Variants in TEKT5 observed in about 807,000 individuals in gnomAD.
The protein encoded by TEKT5 is tektin-5.
Under a neutral mutation model 48.7 loss-of-function variants are expected in TEKT5, and 52 were observed. The observed-to-expected ratio is 1.07, with a 90% CI of 0.86 to 1.35. The LOEUF is 1.35. TEKT5 is among the 40% of genes most tolerant of loss of function. The pLI, the probability that TEKT5 is intolerant of heterozygous loss-of-function variation, is 0.00. For synonymous variants in TEKT5, 318 were observed against 267.6 expected (o/e 1.19, Z -1.84); for missense variants, 831 against 641.6 (o/e 1.30, Z -3.19).
At chr16:10,687,191 T>C (rs1048995495) in intron 3 of TEKT5, among the ~76,000 whole-genome samples, 3 of 152,188 alleles carry the variant, frequency 2.0e-5, no homozygotes, top group African/African-American at 7.2e-5. Flanking sequence ...ACTGTGTTCT[T>C]GAAAATCACT....
intron 5 of TEKT5, among the ~76,000 whole-genome samples, chr16:10,644,926 G>A (rs1389096648): frequency 6.6e-6 from 1 of 152,194 alleles, no homozygotes; most frequent in Non-Finnish European, 1.5e-5. Context: ...GCGATTAGGT[G>A]ATGAGGTGGA....
At chr16:10,678,821 C>A (rs966373323) in intron 4 of TEKT5, among the ~76,000 whole-genome samples, 1 of 152,188 alleles carries the variant, frequency 6.6e-6, no homozygotes, top group African/African-American at 2.4e-5. Context: ...CCCGCTTAAT[C>A]ACATTCTCCC....
chr16:10,653,425 G>A (rs965109254), intron 5 of TEKT5, among the ~76,000 whole-genome samples: 6 of 152,222 alleles, frequency 3.9e-5, no homozygotes, highest in African/African-American at 1.4e-4. Flanking sequence ...CCTGGGGACA[G>A]GTTACTTCAC....
intron 5 of TEKT5, among the ~76,000 whole-genome samples, chr16:10,671,344 A>C (rs1184798790): frequency 1.3e-5 from 2 of 152,254 alleles, no homozygotes; most frequent in African/African-American, 4.8e-5. Flanking sequence ...GAGATGCCTC[A>C]TTAAAAGAAG....
intron 5 of TEKT5, among the ~76,000 whole-genome samples, chr16:10,636,570 G>A (rs1291804093): frequency 1.3e-5 from 2 of 151,872 alleles, no homozygotes; most frequent in Non-Finnish European, 2.9e-5. Context: ...AAGAGGGAGA[G>A]GAAGGGAAGG....
chr16:10,668,683 A>G (rs1023864484), intron 5 of TEKT5, among the ~76,000 whole-genome samples: 1 of 152,150 alleles, frequency 6.6e-6, no homozygotes, highest in African/African-American at 2.4e-5. Flanking sequence ...GCTGCTTGGG[A>G]GTCAAAACCC....
chr16:10,674,219 T>C (rs1278626750), intron 5 of TEKT5, among the ~76,000 whole-genome samples: 1 of 152,020 alleles, frequency 6.6e-6, no homozygotes, highest in African/African-American at 2.4e-5. Flanking sequence ...TCCCTGTTGA[T>C]CTGTTCTCGG....
chr16:10,676,616 A>T (rs1485837191), intron 4 of TEKT5, among the ~76,000 whole-genome samples: 3 of 152,188 alleles, frequency 2.0e-5, no homozygotes, highest in Non-Finnish European at 4.4e-5. Flanking sequence ...CACAACGTGG[A>T]CAAGCCAAGA....
At chr16:10,662,287 G>A (rs1010144129) in intron 5 of TEKT5, among the ~76,000 whole-genome samples, 1 of 152,206 alleles carries the variant, frequency 6.6e-6, no homozygotes, top group African/African-American at 2.4e-5. Context: ...CACCTTGTTT[G>A]AGAACTGCTG....
At chr16:10,686,389 G>T (rs1898862346) in intron 3 of TEKT5, among the ~76,000 whole-genome samples, 1 of 151,930 alleles carries the variant, frequency 6.6e-6, no homozygotes, top group Admixed American at 6.6e-5. Context: ...CCCAGGAGGA[G>T]GAGGTTGCAG....
intron 5 of TEKT5, among the ~76,000 whole-genome samples, chr16:10,673,364 G>A (rs533122738): frequency 6.6e-6 from 1 of 152,304 alleles, no homozygotes; most frequent in South Asian, 2.1e-4. Flanking sequence ...GGCTGCTTTT[G>A]CAGTATAGAG....
At chr16:10,682,971 G>C (rs959034328) in intron 3 of TEKT5, among the ~76,000 whole-genome samples, 3 of 152,086 alleles carry the variant, frequency 2.0e-5, no homozygotes, top group Non-Finnish European at 4.4e-5. Flanking sequence ...CAAATAAGAC[G>C]ACCCAGTCAC....
At position 10,693,675 on chromosome 16, in the gene TEKT5, T is replaced by C. The variant is rs151027501; in HGVS notation, c.564+635A>G. Among the ~76,000 whole-genome samples the C allele has an allele frequency of 1.1e-3, 161 of 152,314 alleles. 2 individuals carry two copies. The highest frequency in any genetic ancestry group is 0.01 in the Middle Eastern group (3 of 294). ...TATAGAGCATGTTAAATGATAAGTA[T>C]TACGGGGAAAAATAAGGCAGTTATG... is the stretch of plus-strand genomic sequence containing the variant. On this transcript the variant is annotated intron_variant, in intron 1 of 6. Transcript: ENST00000283025.
At chr16:10,630,889 T>C (rs1184937896) in intron 6 of TEKT5, among the ~76,000 whole-genome samples, 1 of 151,656 alleles carries the variant, frequency 6.6e-6, no homozygotes, top group African/African-American at 2.4e-5. Context: ...CCAGGTGTCA[T>C]GGTGCACACC....
Position 10,689,244 on chromosome 16 carries a change from A to G in TEKT5, c.719+9T>C. The G allele has an allele frequency of 1.3e-6, 2 of 1,580,396 alleles. No individual in the cohort carries two copies. On this transcript the variant is annotated intron_variant, in intron 3 of 6. Coordinates refer to ENST00000283025, the MANE Select transcript of TEKT5 (RefSeq NM_144674.2). ...AGGAGAGGGAATTAAAAAAAAAAAA[A>G]GCCCTTACCGCATCTGGATATCAAT...
rs529561748 is a variant in TEKT5, at chr16:10,692,250, T to C, written c.564+2060A>G. Among the ~76,000 whole-genome samples the C allele has an allele frequency of 3.3e-5, 5 of 152,266 alleles. No individual in the cohort carries two copies. The South Asian group carries it at 1.0e-3, about 32-fold the overall frequency. On this transcript the variant is annotated intron_variant, in intron 1 of 6. Coordinates refer to ENST00000283025, the MANE Select transcript of TEKT5 (RefSeq NM_144674.2). ...GAGAGCAGTAGGTCTGGGATACTGCTGTAGGGCTCTGAAAAGCTGCCCTGC... is the reference window on the plus strand; with the variant it reads ...GAGAGCAGTAGGTCTGGGATACTGCCGTAGGGCTCTGAAAAGCTGCCCTGC...
chr16:10,684,269 C>T (rs1298732663), intron 3 of TEKT5, among the ~76,000 whole-genome samples: 2 of 152,050 alleles, frequency 1.3e-5, no homozygotes, highest in African/African-American at 2.4e-5. Context: ...ATCTGTCTCT[C>T]TGCCTTTCTC....
At chr16:10,638,120 T>C (rs1395221201) in intron 5 of TEKT5, among the ~76,000 whole-genome samples, 1 of 152,168 alleles carries the variant, frequency 6.6e-6, no homozygotes, top group Non-Finnish European at 1.5e-5. Flanking sequence ...TGGGAGTCTT[T>C]TATATGATTC....
chr16:10,655,191 CG>C (rs1898240453), intron 5 of TEKT5, among the ~76,000 whole-genome samples: 1 of 152,042 alleles, frequency 6.6e-6, no homozygotes, highest in Non-Finnish European at 1.5e-5. Context: ...ACATGCTGAA[CG>C]GGTAACTCAA....
Sources: allele counts gnomAD v4.1 joint callset (sites outside exome capture counted in the v4.1 genomes callset), GRCh38; gene constraint gnomAD v4.1.1; transcripts MANE v1.5; gene names NCBI Gene and HGNC (gene_info 2026-07-23, HGNC 2026-07-21).